Variants in FARS2 observed in about 807,000 individuals in gnomAD.
FARS2 encodes phenylalanine--tRNA ligase, mitochondrial.
In FARS2, 40 loss-of-function variants were observed where a neutral mutation model predicts 46.4. The ratio of observed to expected loss-of-function variants is 0.86; its 90% CI spans 0.67 to 1.12. The LOEUF is 1.12. FARS2 is among the 50% of genes most tolerant of loss of function. The pLI, the probability that FARS2 is intolerant of heterozygous loss-of-function variation, is 0.00. For synonymous variants in FARS2, 234 were observed against 214.9 expected (o/e 1.09, Z -0.78); for missense variants, 513 against 567.9 (o/e 0.90, Z 0.98).
At position 5,461,011 on chromosome 6, in the gene FARS2, C is replaced by T. The variant is rs535985050; in HGVS notation, c.904+29839C>T. Among the ~76,000 whole-genome samples, 109 of 150,538 alleles carry T rather than the reference C, an allele frequency of 7.2e-4. 1 individual carries two copies. The highest frequency in any genetic ancestry group is 2.6e-3 in the African/African-American group (107 of 40,962). ...TTGTGTATGTGTGTGTGTTTATGGGCTTGTTTTGATGGACTGCAGACATTT... is the reference window on the plus strand; with the variant it reads ...TTGTGTATGTGTGTGTGTTTATGGGTTTGTTTTGATGGACTGCAGACATTT... On this transcript the variant is annotated intron_variant, in intron 4 of 6. Coordinates refer to ENST00000274680, the MANE Select transcript of FARS2 (RefSeq NM_006567.5).
At chr6:5,618,074 A>C (rs1775566851) in intron 6 of FARS2, among the ~76,000 whole-genome samples, 1 of 152,246 alleles carries the variant, frequency 6.6e-6, no homozygotes, top group African/African-American at 2.4e-5. Context: ...AAGCAGTCAC[A>C]GATAAAATAT....
At chr6:5,507,571 C>T (rs536565609) in intron 4 of FARS2, among the ~76,000 whole-genome samples, 1 of 152,266 alleles carries the variant, frequency 6.6e-6, no homozygotes, top group East Asian at 1.9e-4. Context: ...GGGTGGAAGG[C>T]AGGGGCTCAT....
chr6:5,699,811 G>C lies in FARS2; in HGVS notation c.1218-71480G>C, dbSNP rs146722503. Among the ~76,000 whole-genome samples, 452 of 152,232 alleles carry C rather than the reference G, an allele frequency of 3.0e-3. 2 individuals carry two copies. Among genetic ancestry groups the C allele is most frequent in the African/African-American group, 0.01 (428 of 41,520 alleles). Reference sequence around the variant, plus strand: ...GCAGCACAGTTGAATTATCTGGAAGGCTTCAAAAACTGCCAATTCCCAGTT... The same window carrying C: ...GCAGCACAGTTGAATTATCTGGAAGCCTTCAAAAACTGCCAATTCCCAGTT... On this transcript the variant is annotated intron_variant, in intron 6 of 6. Coordinates refer to ENST00000274680, the MANE Select transcript of FARS2 (RefSeq NM_006567.5).
chr6:5,663,351 C>G (rs1192051461), intron 6 of FARS2, among the ~76,000 whole-genome samples: 2 of 152,150 alleles, frequency 1.3e-5, no homozygotes, highest in Admixed American at 1.3e-4. Context: ...GATGATTGAA[C>G]TTTCAAAAAA....
chr6:5,475,849 A>G (rs764300105), intron 4 of FARS2, among the ~76,000 whole-genome samples: 1 of 151,950 alleles, frequency 6.6e-6, no homozygotes, highest in Non-Finnish European at 1.5e-5. Context: ...CCCAGTCTCA[A>G]GTGGCTTGCT....
intron 6 of FARS2, among the ~76,000 whole-genome samples, chr6:5,705,730 C>A (rs1758711111): frequency 6.6e-6 from 1 of 152,164 alleles, no homozygotes; most frequent in Non-Finnish European, 1.5e-5. Flanking sequence ...GGAATGTTCC[C>A]ATTTCTTGAA....
intron 4 of FARS2, among the ~76,000 whole-genome samples, chr6:5,456,730 CAAAA>C (rs11393453): frequency 4.3e-5 from 3 of 69,888 alleles, no homozygotes; most frequent in East Asian, 5.8e-4. Context: ...GACTCCATCT[CAAAA>C]AAAAAAAAAA....
intron 1 of FARS2, among the ~76,000 whole-genome samples, chr6:5,306,837 A>C (rs527280601): frequency 6.6e-6 from 1 of 152,162 alleles, no homozygotes; most frequent in African/African-American, 2.4e-5. Context: ...TGCTGTTGAT[A>C]AATATTTTCC....
intron 6 of FARS2, among the ~76,000 whole-genome samples, chr6:5,658,190 A>G (rs1383249384): frequency 1.3e-5 from 2 of 150,076 alleles, no homozygotes; most frequent in Non-Finnish European, 3.0e-5. Context: ...CGGAAGGTGG[A>G]GTTTGTGGTG....
chr6:5,426,332 A>G (rs567007410), intron 3 of FARS2, among the ~76,000 whole-genome samples: 6 of 152,326 alleles, frequency 3.9e-5, no homozygotes, highest in African/African-American at 1.4e-4. Flanking sequence ...CTATTAATAT[A>G]TAACACAAAA....
At chr6:5,265,035 G>A (rs1765460954) in intron 1 of FARS2, among the ~76,000 whole-genome samples, 1 of 148,716 alleles carries the variant, frequency 6.7e-6, no homozygotes, top group Non-Finnish European at 1.5e-5. Flanking sequence ...AAACTCCTCA[G>A]TGCCTCTCCT....
chr6:5,294,241 G>A (rs1398637509), intron 1 of FARS2, among the ~76,000 whole-genome samples: 1 of 152,144 alleles, frequency 6.6e-6, no homozygotes, highest in African/African-American at 2.4e-5. Context: ...GATCCTTGGT[G>A]TAAAAGGAGG....
At chr6:5,688,681 G>A (rs1261196345) in intron 6 of FARS2, among the ~76,000 whole-genome samples, 1 of 152,154 alleles carries the variant, frequency 6.6e-6, no homozygotes, top group Non-Finnish European at 1.5e-5. Flanking sequence ...TTGTGTCTCT[G>A]CCAGGCTTTG....
intron 3 of FARS2, among the ~76,000 whole-genome samples, chr6:5,430,472 T>C (rs1763096876): frequency 1.3e-5 from 2 of 152,132 alleles, no homozygotes; most frequent in Admixed American, 6.5e-5. Context: ...ATCATTCATC[T>C]GTAGGAAAAA....
chr6:5,394,723 TC>T (rs1700080038), intron 2 of FARS2, among the ~76,000 whole-genome samples: 1 of 152,172 alleles, frequency 6.6e-6, no homozygotes. Context: ...GTTTTCTCTT[TC>T]AAGTGTCACT....
At chr6:5,539,528 G>A (rs1032285548) in intron 4 of FARS2, among the ~76,000 whole-genome samples, 7 of 151,466 alleles carry the variant, frequency 4.6e-5, no homozygotes, top group African/African-American at 1.2e-4. Context: ...TACCGCACTC[G>A]GCCAACCATT....
chr6:5,700,479 T>C (rs552780088), intron 6 of FARS2, among the ~76,000 whole-genome samples: 1 of 152,176 alleles, frequency 6.6e-6, no homozygotes, highest in South Asian at 2.1e-4. Context: ...CAGTCTCAGC[T>C]CACTGCGACC....
chr6:5,497,796 G>A (rs1439988283), intron 4 of FARS2, among the ~76,000 whole-genome samples: 1 of 152,106 alleles, frequency 6.6e-6, no homozygotes, highest in African/African-American at 2.4e-5. Flanking sequence ...TTTTTAAAAT[G>A]TAATCCTTTC....
intron 1 of FARS2, among the ~76,000 whole-genome samples, chr6:5,356,999 G>A (rs911596082): frequency 1.3e-5 from 2 of 151,602 alleles, no homozygotes; most frequent in African/African-American, 4.9e-5. Context: ...GGCTGTTTGG[G>A]GTTAATGGAA....
Sources: gnomAD v4.1 joint callset for allele counts (sites outside exome capture counted in the v4.1 genomes callset) on GRCh38, gnomAD v4.1.1 for gene constraint, MANE v1.5 for transcripts, NCBI Gene and HGNC (gene_info 2026-07-23, HGNC 2026-07-21) for gene names.